The following SLC27A1 variants were observed in gnomAD, a reference collection of about 807,000 sequenced individuals.
SLC27A1 encodes long-chain fatty acid transport protein 1.
Under a neutral mutation model 62.2 loss-of-function variants are expected in SLC27A1, and 61 were observed. The observed-to-expected ratio is 0.98, with a 90% confidence interval of 0.80 to 1.21. The LOEUF (loss-of-function observed/expected upper bound fraction) is 1.21, where lower values mean the gene tolerates loss of function less well. Ranked by LOEUF, SLC27A1 falls within the 50% of genes most tolerant of loss-of-function variation. The pLI, the probability that SLC27A1 is intolerant of heterozygous loss-of-function variation, is 0.00. For missense variants in SLC27A1, 903 were observed against 932.1 expected (o/e 0.97, Z 0.41); for synonymous variants, 435 against 408.6 (o/e 1.06, Z -0.78).
At chr19:17,470,901 G>T (rs2144533136) in intron 1 of SLC27A1, among the ~76,000 whole-genome samples, 194 bp downstream of exon 1, 1 of 151,444 alleles carries the variant, frequency 6.6e-6, no homozygotes, top group Non-Finnish European at 1.5e-5. Context: ...GGGTCTCTGA[G>T]GGGGCTACAG....
chr19:17,501,508 G>A, intron 11 of SLC27A1, 89 bp downstream of exon 11: 1 of 1,524,238 alleles, frequency 6.6e-7, no homozygotes, highest in Non-Finnish European at 8.8e-7. Context: ...TGCTCTAAAA[G>A]AATACCTGGC....
Position 17,500,421 on chromosome 19 carries a change from C to A in SLC27A1, c.1333+17C>A. The A allele has an allele frequency of 6.2e-7, 1 of 1,613,342 alleles. No individual in the cohort carries two copies. On this transcript the variant is annotated intron_variant, in intron 8 of 11. Transcript: ENST00000252595. ...GCCAGGCCGGTGAGCAGGGCCCCCGCATGGTCCCCACCCGGAGCAGGGGTC... is the reference window on the plus strand; with the variant it reads ...GCCAGGCCGGTGAGCAGGGCCCCCGAATGGTCCCCACCCGGAGCAGGGGTC...
intron 4 of SLC27A1, chr19:17,488,615 C>G (rs750213768): frequency 6.8e-6 from 4 of 592,380 alleles, no homozygotes; most frequent in Non-Finnish European, 1.2e-5. Context: ...ATCCCCCAAC[C>G]CCCCTGGCTG....
chr19:17,491,835 G>A (rs1220737030), intron 6 of SLC27A1, among the ~76,000 whole-genome samples: 4 of 151,870 alleles, frequency 2.6e-5, no homozygotes, highest in Non-Finnish European at 1.5e-5. Context: ...GATTGTGCCA[G>A]TGTACTCTAG....
chr19:17,504,328 T>C, intron 11 of SLC27A1, 127 bp from the exon 12 acceptor site: 1 of 1,223,738 alleles, frequency 8.2e-7, no homozygotes, highest in Non-Finnish European at 1.1e-6. Flanking sequence ...GCAGGCAAAA[T>C]GGGGAAGAAC....
rs373371192 is a variant in SLC27A1, at chr19:17,470,754, C to A, written c.167+47C>A. On this transcript the variant is annotated intron_variant, in intron 1 of 11. Transcript: ENST00000252595. ...CCAGGGCTGGGGGCGGGGCTGAGGG[C>A]TCTGGGGGCGCACGGTGCAGGGCTG... 148 of 1,465,060 alleles carry A rather than the reference C, an allele frequency of 1.0e-4. 1 individual carries two copies. In the African/African-American group the frequency reaches 1.8e-3, roughly 18 times the overall value. The allele number at this position is 1,465,060 out of a possible 1,614,324, so 90.8% of individuals were successfully genotyped here.
At chr19:17,488,442 C>T (rs2144581951) in intron 4 of SLC27A1, among the ~76,000 whole-genome samples, 1 of 152,302 alleles carries the variant, frequency 6.6e-6, no homozygotes, top group South Asian at 2.1e-4. Flanking sequence ...TCCTCCCCTT[C>T]ACCCCGTACT....
chr19:17,478,445 C>G (rs1387796984), intron 1 of SLC27A1, among the ~76,000 whole-genome samples: 1 of 125,468 alleles, frequency 8.0e-6, no homozygotes, highest in African/African-American at 3.1e-5. Flanking sequence ...CCAGCCTGGG[C>G]GACAGAGCAA....
At chr19:17,478,192 C>T (rs776816805) in intron 1 of SLC27A1, among the ~76,000 whole-genome samples, 3 of 152,008 alleles carry the variant, frequency 2.0e-5, no homozygotes, top group Non-Finnish European at 2.9e-5. Flanking sequence ...TGCAGCTGGG[C>T]GCGGTGGCTC....
intron 11 of SLC27A1, among the ~76,000 whole-genome samples, chr19:17,503,880 C>T (rs1170455119): frequency 1.4e-5 from 2 of 138,134 alleles, no homozygotes; most frequent in South Asian, 2.3e-4. Context: ...TGCAGTGAGC[C>T]GAGATCACAC....
chr19:17,479,181 G>A (rs1055333376), intron 1 of SLC27A1, among the ~76,000 whole-genome samples: 7 of 152,080 alleles, frequency 4.6e-5, no homozygotes, highest in African/African-American at 1.2e-4. Flanking sequence ...CGAGGCAGGC[G>A]GATCACCTGA....
At position 17,490,890 on chromosome 19, in the gene SLC27A1, G is replaced by A. The variant is rs372538068; in HGVS notation, c.996+1773G>A. Among the ~76,000 whole-genome samples the A allele has an allele frequency of 9.2e-5, 14 of 152,144 alleles. No individual in the cohort carries two copies. In the East Asian group the frequency reaches 1.7e-3, roughly 19 times the overall value. ...TAAAAATACAGAAATGTAGCCTGGC[G>A]TGGTGGTTGGTGCCTGTAATCCCAG... On this transcript the variant is annotated intron_variant, in intron 6 of 11. Coordinates refer to ENST00000252595, the MANE Select transcript of SLC27A1 (RefSeq NM_198580.3).
Position 17,504,674 on chromosome 19 carries a change from A to C in SLC27A1, c.*62A>C. 6.2e-7 allele frequency: 1 copy of C among 1,605,102 alleles called. No homozygotes were observed. Among genetic ancestry groups the C allele is most frequent in the African/African-American group, 1.3e-5 (1 of 74,780 alleles). On this transcript the variant is annotated 3_prime_UTR_variant, in exon 12 of 12. Transcript: ENST00000252595. ...TGGGAGAGGCCAGCTTGAGCCAGAC[A>C]GCGCTGCCCAGGGGTGGCCGCCTAG... is the stretch of plus-strand genomic sequence containing the variant.
At position 17,486,959 on chromosome 19, in the gene SLC27A1, T is replaced by G; in HGVS notation, c.562+2T>G. The G allele has an allele frequency of 6.4e-7, 1 of 1,566,580 alleles. No individual in the cohort carries two copies. The highest frequency in any genetic ancestry group is 8.6e-7 in the Non-Finnish European group (1 of 1,163,240). ...TCTTTGGAGGAGAAATGGTGGCGGG[T>G]GAGGCCAGGCGTGGGCATCAGGTGG... On this transcript the variant is annotated splice_donor_variant, in intron 2 of 11. Coordinates refer to ENST00000252595, the MANE Select transcript of SLC27A1 (RefSeq NM_198580.3). LOFTEE classifies it high-confidence loss of function. The surrounding 1 kb of genome is among the most constrained non-coding windows in gnomAD (Gnocchi z 6.6).
In SLC27A1 at chr19:17,500,724, T is replaced by C. The variant is rs2075402042; in HGVS notation, c.1484T>C (p.Val495Ala). The change falls in exon 10 of 12, where the codon GTG becomes GCG. Residue 495 changes from valine to alanine, a missense_variant. By Grantham distance (64) the Val-to-Ala change is moderately conservative. Coordinates refer to ENST00000252595, the MANE Select transcript of SLC27A1 (RefSeq NM_198580.3). The stretch of plus-strand genomic sequence containing the variant: ...TCCCCTCTGCCAGGTGACGTGCTAG[T>C]GATGGATGAGCTGGGCTACATGTAC... ...DSAYLSGDVL[V>A]MDELGYMYFR... The C allele has an allele frequency of 6.2e-7, 1 of 1,613,950 alleles. No homozygotes were observed. Among genetic ancestry groups the C allele is most frequent in the Non-Finnish European group, 8.5e-7 (1 of 1,180,024 alleles).
upstream of SLC27A1, chr19:17,470,453 T>C: frequency 7.4e-7 from 1 of 1,357,030 alleles, no homozygotes. Flanking sequence ...CGCGGCTCGC[T>C]GTAGAGGCGG....
At chr19:17,484,388 CG>C (rs1161816006) in intron 1 of SLC27A1, among the ~76,000 whole-genome samples, 1 of 152,128 alleles carries the variant, frequency 6.6e-6, no homozygotes. Flanking sequence ...TCCAGTAGTT[CG>C]AGACCAGCCT....
intron 1 of SLC27A1, among the ~76,000 whole-genome samples, chr19:17,476,830 G>A (rs1266224487): frequency 6.6e-6 from 1 of 151,312 alleles, no homozygotes; most frequent in African/African-American, 2.4e-5. Context: ...TATAAGGTTA[G>A]CACAGGGCAT....
chr19:17,469,737 C>T (rs927730878), upstream of SLC27A1, among the ~76,000 whole-genome samples: 1 of 150,258 alleles, frequency 6.7e-6, no homozygotes, highest in African/African-American at 2.5e-5. Flanking sequence ...CTAGGGGGGC[C>T]GGAGTGAAAC....
Sources: allele counts gnomAD v4.1 joint callset (sites outside exome capture counted in the v4.1 genomes callset), GRCh38; gene constraint gnomAD v4.1.1; non-coding constraint Gnocchi (gnomAD v3.1); transcripts MANE v1.5; gene names NCBI Gene and HGNC (gene_info 2026-07-23, HGNC 2026-07-21).